Variants in CSGALNACT1 observed in about 807,000 individuals in gnomAD.
CSGALNACT1 encodes the protein beta4GalNAcT-1.
CSGALNACT1 carries 52 observed loss-of-function variants against 51.0 expected under a neutral mutation model. That is an observed-to-expected ratio of 1.02 (90% CI 0.82 to 1.29). CSGALNACT1 has a LOEUF of 1.29. Among genes scored for constraint, CSGALNACT1 ranks in the 50% most tolerant of loss-of-function variants. The pLI, the probability that CSGALNACT1 is intolerant of heterozygous loss-of-function variation, is 0.00. For synonymous variants in CSGALNACT1, 341 were observed against 254.4 expected (o/e 1.34, Z -3.24); for missense variants, 935 against 679.2 (o/e 1.38, Z -4.19).
chr8:19,703,384 A>C (rs1179818234), intron 1 of CSGALNACT1, among the ~76,000 whole-genome samples: 1 of 152,170 alleles, frequency 6.6e-6, no homozygotes, highest in Non-Finnish European at 1.5e-5. Context: ...GCTCACTGCA[A>C]GCTCTGCCTT....
rs929126571 is a variant in CSGALNACT1 at position 19,757,396 on chromosome 8, G to A, written c.-297+454C>T. 2.0e-5 allele frequency: 3 copies of A among 152,244 alleles called. No individual in the cohort carries two copies. The highest frequency in any genetic ancestry group is 7.3e-5 in the African/African-American group (3 of 41,330). 9.4% of individuals were successfully genotyped at this position (152,244 alleles called of 1,614,324 possible). On this transcript the variant is annotated intron_variant, in intron 1 of 1. Coordinates refer to the CSGALNACT1 transcript ENST00000517494. This position sits in a 1 kb window ranked among gnomAD's most constrained non-coding sequence, Gnocchi z 4.0. ...GCCAAGCCTGGCGCCCCGCCGCAGG[G>A]TAGGTCCGGCGGGGGCGGCCAAGGC...
chr8:19,621,803 A>G (rs2053860993), intron 1 of CSGALNACT1, among the ~76,000 whole-genome samples: 1 of 152,198 alleles, frequency 6.6e-6, no homozygotes, highest in South Asian at 2.1e-4. Context: ...ATAAAAGAGT[A>G]AAACAACACA....
chr8:19,748,164 G>T (rs1396655961), intron 1 of CSGALNACT1, among the ~76,000 whole-genome samples: 1 of 152,182 alleles, frequency 6.6e-6, no homozygotes, highest in Non-Finnish European at 1.5e-5. Context: ...CTATCCTCTT[G>T]TATAAAGAGC....
At chr8:19,662,368 A>C (rs1194611593) in intron 1 of CSGALNACT1, among the ~76,000 whole-genome samples, 1 of 152,112 alleles carries the variant, frequency 6.6e-6, no homozygotes, top group Admixed American at 6.6e-5. Flanking sequence ...GCGACAGAGA[A>C]AGATTCTTGC....
intron 4 of CSGALNACT1, among the ~76,000 whole-genome samples, chr8:19,462,420 G>C (rs1339926174): frequency 6.6e-6 from 1 of 152,150 alleles, no homozygotes; most frequent in Non-Finnish European, 1.5e-5. Context: ...AAAATCCACA[G>C]AGATGAAAAT....
At chr8:19,556,495 A>G (rs1207617957) in intron 3 of CSGALNACT1, among the ~76,000 whole-genome samples, 2 of 152,222 alleles carry the variant, frequency 1.3e-5, no homozygotes, top group South Asian at 2.1e-4. Context: ...ATGAAATCCA[A>G]TGGATTTGGC....
At chr8:19,477,374 A>G (rs2069998501) in intron 4 of CSGALNACT1, among the ~76,000 whole-genome samples, 1 of 152,218 alleles carries the variant, frequency 6.6e-6, no homozygotes. Context: ...AAAATCCCAC[A>G]CAACTGAGCA....
At chr8:19,670,321 C>T (rs1006586685) in intron 1 of CSGALNACT1, among the ~76,000 whole-genome samples, 2 of 152,098 alleles carry the variant, frequency 1.3e-5, no homozygotes, top group African/African-American at 4.8e-5. Context: ...TACATAAAAT[C>T]CTCCTTCCCA....
chr8:19,427,297 A>C (rs113883756), intron 6 of CSGALNACT1, among the ~76,000 whole-genome samples: 1 of 152,220 alleles, frequency 6.6e-6, no homozygotes, highest in Non-Finnish European at 1.5e-5. Flanking sequence ...ATTAGAATTC[A>C]CCATCTTCCA....
chr8:19,560,339 T>C (rs2040419732), intron 3 of CSGALNACT1, among the ~76,000 whole-genome samples: 1 of 152,190 alleles, frequency 6.6e-6, no homozygotes, highest in Non-Finnish European at 1.5e-5. Flanking sequence ...AGGAAAGGAC[T>C]TCTTTAAAAA....
In CSGALNACT1 at chr8:19,656,489, A is replaced by C. The variant is rs542609371; in HGVS notation, c.-544+25984T>G. On this transcript the variant is annotated intron_variant, in intron 1 of 9. Coordinates refer to the CSGALNACT1 transcript ENST00000332246. The stretch of plus-strand genomic sequence containing the variant: ...CCCACCTTCGATCTTGACCTCAAAG[A>C]GGCCCCACAGGTAAATATTCAGGAA... Among the ~76,000 whole-genome samples the C allele has an allele frequency of 3.9e-5, 6 of 152,156 alleles. No individual in the cohort carries two copies. In the South Asian group the frequency reaches 1.2e-3, roughly 32 times the overall value.
intron 1 of CSGALNACT1, among the ~76,000 whole-genome samples, chr8:19,696,459 T>C (rs2061588088): frequency 1.3e-5 from 2 of 152,134 alleles, no homozygotes; most frequent in African/African-American, 4.8e-5. Context: ...ACAGGGCATA[T>C]GAAACACCAC....
At chr8:19,437,868 T>C (rs2060636188) in intron 6 of CSGALNACT1, among the ~76,000 whole-genome samples, 1 of 152,216 alleles carries the variant, frequency 6.6e-6, no homozygotes. Flanking sequence ...CAAATGATTT[T>C]ACTTTTCTTA....
At chr8:19,700,463 A>G (rs2061804021) in intron 1 of CSGALNACT1, among the ~76,000 whole-genome samples, 1 of 152,144 alleles carries the variant, frequency 6.6e-6, no homozygotes. Flanking sequence ...AGGTGTTTTT[A>G]TATTATTGAC....
intron 4 of CSGALNACT1, among the ~76,000 whole-genome samples, chr8:19,499,443 C>A (rs780458787): frequency 2.0e-5 from 3 of 152,168 alleles, no homozygotes; most frequent in African/African-American, 7.2e-5. Flanking sequence ...TGAGTGCAAC[C>A]TTCCACCCAA....
chr8:19,419,304 A>G (rs1297076186), intron 7 of CSGALNACT1, among the ~76,000 whole-genome samples: 2 of 152,204 alleles, frequency 1.3e-5, no homozygotes, highest in Non-Finnish European at 2.9e-5. Context: ...ACTGGGCATC[A>G]CGCCTTGGGA....
At chr8:19,549,114 G>C (rs1244595094) in intron 3 of CSGALNACT1, among the ~76,000 whole-genome samples, 1 of 142,668 alleles carries the variant, frequency 7.0e-6, no homozygotes, top group Non-Finnish European at 1.5e-5. Context: ...AGCAAGACTA[G>C]CTGCTTATCC....
intron 3 of CSGALNACT1, chr8:19,532,142 G>A (rs569272027): frequency 2.6e-5 from 4 of 151,020 alleles, no homozygotes; most frequent in African/African-American, 9.8e-5. Flanking sequence ...GTTTCTTTCT[G>A]TCTCTCAACA....
intron 6 of CSGALNACT1, among the ~76,000 whole-genome samples, chr8:19,436,386 T>C (rs2060378936): frequency 6.6e-6 from 1 of 152,162 alleles, no homozygotes; most frequent in Non-Finnish European, 1.5e-5. Context: ...GGCTCTCCCA[T>C]CTGGCAGGGA....
Sources: allele counts gnomAD v4.1 joint callset (sites outside exome capture counted in the v4.1 genomes callset), GRCh38; gene constraint gnomAD v4.1.1; non-coding constraint Gnocchi (gnomAD v3.1); transcripts MANE v1.5; gene names NCBI Gene and HGNC (gene_info 2026-07-23, HGNC 2026-07-21).